ADRA1B: variants seen among roughly 807,000 people sequenced by gnomAD.
The protein encoded by ADRA1B is alpha-1B adrenergic receptor.
In ADRA1B, 17 loss-of-function variants were observed where a neutral mutation model predicts 17.9. The observed-to-expected ratio is 0.95, with a 90% CI of 0.65 to 1.42. The LOEUF is 1.42. Ranked by LOEUF, ADRA1B falls within the 40% of genes most tolerant of loss-of-function variation. The pLI, the probability that ADRA1B is intolerant of heterozygous loss-of-function variation, is 0.00. For synonymous variants in ADRA1B, 366 were observed against 327.6 expected (o/e 1.12, Z -1.27); for missense variants, 681 against 722.1 (o/e 0.94, Z 0.65).
intron 1 of ADRA1B, among the ~76,000 whole-genome samples, chr5:159,872,383 G>A (rs1753755359): frequency 6.6e-6 from 1 of 152,196 alleles, no homozygotes; most frequent in African/African-American, 2.4e-5. Context: ...AGCTGATGCA[G>A]GAGCCTGGGA....
chr5:159,980,252 G>A, the ADRA1B span, among the ~76,000 whole-genome samples: 6 of 152,108 alleles, frequency 3.9e-5, no homozygotes, highest in Non-Finnish European at 8.8e-5. Context: ...CATGTCCATA[G>A]AGTTGCCCCA....
At chr5:159,977,522 C>T (rs1755991573), downstream of ADRA1B, among the ~76,000 whole-genome samples, 1 of 152,150 alleles carries the variant, frequency 6.6e-6, no homozygotes, top group African/African-American at 2.4e-5. Context: ...GGTTGCCCCC[C>T]AAGATTGGTT....
chr5:159,883,360 G>C (rs1163575083), intron 1 of ADRA1B, among the ~76,000 whole-genome samples: 1 of 152,082 alleles, frequency 6.6e-6, no homozygotes, highest in Non-Finnish European at 1.5e-5. Context: ...AGATTTCTTT[G>C]GGATTGAAAC....
chr5:159,874,264 G>T (rs1253446526), intron 1 of ADRA1B, among the ~76,000 whole-genome samples: 1 of 152,084 alleles, frequency 6.6e-6, no homozygotes, highest in East Asian at 1.9e-4. Flanking sequence ...CTCTGCCCTT[G>T]GGAAGAACCT....
At chr5:159,892,491 A>C (rs529058323) in intron 1 of ADRA1B, among the ~76,000 whole-genome samples, 25 of 152,100 alleles carry the variant, frequency 1.6e-4, no homozygotes, top group Admixed American at 3.9e-4. Context: ...TCTCCCCCTC[A>C]ACACTCTGAC....
At chr5:159,939,314 TGTGTGTGTGC>T (rs1388016528) in intron 1 of ADRA1B, among the ~76,000 whole-genome samples, 3 of 127,076 alleles carry the variant, frequency 2.4e-5, no homozygotes, top group South Asian at 4.9e-4. Flanking sequence ...TGTGTGTGTG[TGTGTGTGTGC>T]GCGCGCGCGC....
intron 1 of ADRA1B, among the ~76,000 whole-genome samples, chr5:159,934,197 G>A (rs895558928): frequency 6.6e-6 from 1 of 152,182 alleles, no homozygotes; most frequent in African/African-American, 2.4e-5. Flanking sequence ...TTGAACTACT[G>A]ATCTAGAGGG....
At chr5:159,963,220 A>G (rs1259389171) in intron 1 of ADRA1B, among the ~76,000 whole-genome samples, 1 of 150,550 alleles carries the variant, frequency 6.6e-6, no homozygotes, top group Non-Finnish European at 1.5e-5. Flanking sequence ...ACATTCCAGT[A>G]CACACCCTCC....
the ADRA1B span, among the ~76,000 whole-genome samples, chr5:159,988,917 C>T: frequency 6.6e-6 from 1 of 152,194 alleles, no homozygotes. Context: ...ACATTGATGG[C>T]CATTTGGGCT....
chr5:159,876,704 A>G (rs1299454267), intron 1 of ADRA1B, among the ~76,000 whole-genome samples: 2 of 152,166 alleles, frequency 1.3e-5, no homozygotes, highest in Non-Finnish European at 2.9e-5. Flanking sequence ...ATTCTGTTAG[A>G]GTGGCTCTGT....
At chr5:159,923,413 AG>A (rs1372697453) in intron 1 of ADRA1B, among the ~76,000 whole-genome samples, 5 of 152,372 alleles carry the variant, frequency 3.3e-5, no homozygotes, top group Admixed American at 3.3e-4. Context: ...GGGGCAGTGG[AG>A]GTGGAGAAGC....
At chr5:159,899,243 G>GAAGT (rs1754069769) in intron 1 of ADRA1B, among the ~76,000 whole-genome samples, 1 of 142,520 alleles carries the variant, frequency 7.0e-6, no homozygotes, top group African/African-American at 2.7e-5. Context: ...AGGGAGGGAG[G>GAAGT]AAGGAAGGAA....
At chr5:159,923,383 A>C (rs1455488556) in intron 1 of ADRA1B, among the ~76,000 whole-genome samples, 1 of 152,256 alleles carries the variant, frequency 6.6e-6, no homozygotes, top group Non-Finnish European at 1.5e-5. Flanking sequence ...GTGAGAGATG[A>C]TGATGACCTA....
Position 159,954,148 on chromosome 5 carries a change from T to A in ADRA1B, c.950-17731T>A, listed in dbSNP as rs150575136. On this transcript the variant is annotated intron_variant, in intron 1 of 1. Coordinates refer to ENST00000306675, the MANE Select transcript of ADRA1B (RefSeq NM_000679.4). ...AGGGGGTCAGCGAGATCCGCATCAA[T>A]AGTTCTCCTCCATGCTTGGTGTCTG... is the stretch of plus-strand genomic sequence containing the variant. 5.4e-3 allele frequency among the ~76,000 whole-genome samples: 823 copies of A among 152,278 alleles called. 4 individuals are homozygous for A. Among genetic ancestry groups the A allele is most frequent in the African/African-American group, 0.019 (797 of 41,560 alleles).
At chr5:159,915,168 C>T (rs1436231836), upstream of ADRA1B, among the ~76,000 whole-genome samples, 3 of 152,198 alleles carry the variant, frequency 2.0e-5, no homozygotes, top group Non-Finnish European at 2.9e-5. Context: ...CCCTACCTTG[C>T]CCCGGGGGAA....
In ADRA1B at chr5:159,972,334, G is replaced by A; in HGVS notation, c.1405G>A (p.Asp469Asn). Residue 469 changes from aspartate to asparagine, a missense_variant, in exon 2 of 2, where the codon GAC becomes AAC. Physicochemically the swap from Asp to Asn is conservative, Grantham distance 23 (BLOSUM62 1). This residue lies in a region of ADRA1B where 251 missense variants were observed against 224.9 expected (regional missense o/e 1.12). Coordinates refer to ENST00000306675, the MANE Select transcript of ADRA1B (RefSeq NM_000679.4). ...GCCCCCCGGCCGCCGCGGCCGCCAC[G>A]ACTCGGGCCCGCTCTTCACCTTCAA... ...PEPPGRRGRHDSGPLFTFKLL... is the reference protein window; with the variant it reads ...PEPPGRRGRHNSGPLFTFKLL... The A allele has an allele frequency of 2.1e-6, 3 of 1,445,532 alleles. No homozygotes were observed. 89.5% of individuals were successfully genotyped at this position (1,445,532 alleles called of 1,614,324 possible). A position where few individuals can be genotyped will look rare whatever the true frequency, so the allele number is the denominator to read the frequency against.
At chr5:159,965,670 A>G (rs1238103661) in intron 1 of ADRA1B, among the ~76,000 whole-genome samples, 1 of 152,106 alleles carries the variant, frequency 6.6e-6, no homozygotes, top group Non-Finnish European at 1.5e-5. Context: ...GCAGAGGAAG[A>G]AGGAGGAAGG....
At chr5:159,956,415 G>A (rs569123378) in intron 1 of ADRA1B, among the ~76,000 whole-genome samples, 1 of 151,992 alleles carries the variant, frequency 6.6e-6, no homozygotes, top group Non-Finnish European at 1.5e-5. Context: ...CACACACAGA[G>A]GTTTTTTTAA....
At chr5:159,898,215 A>T (rs1376442199) in intron 1 of ADRA1B, among the ~76,000 whole-genome samples, 7 of 152,234 alleles carry the variant, frequency 4.6e-5, no homozygotes, top group African/African-American at 1.7e-4. Flanking sequence ...AAAGGGAGCC[A>T]CTGAAGCTGC....
Sources: allele counts gnomAD v4.1 joint callset (sites outside exome capture counted in the v4.1 genomes callset), GRCh38; gene constraint gnomAD v4.1.1; regional missense constraint gnomAD v4.1.1; transcripts MANE v1.5; gene names NCBI Gene and HGNC (gene_info 2026-07-23, HGNC 2026-07-21).